The following LUZP2 variants were observed in gnomAD, a reference collection of about 807,000 sequenced individuals.
LUZP2 encodes the protein leucine zipper protein 2.
A neutral mutation model predicts 51.6 loss-of-function variants in LUZP2; 52 were observed. That is an observed-to-expected ratio of 1.01 (90% CI 0.81 to 1.27). The LOEUF is 1.27. Among genes scored for constraint, LUZP2 ranks in the 50% most tolerant of loss-of-function variants. The pLI is 0.00. For synonymous variants in LUZP2, 154 were observed against 137.3 expected (o/e 1.12, Z -0.85); for missense variants, 436 against 395.4 (o/e 1.10, Z -0.87).
chr11:24,554,424 CTA>C, intron 1 of LUZP2, among the ~76,000 whole-genome samples: 1 of 152,132 alleles, frequency 6.6e-6, no homozygotes, highest in East Asian at 1.9e-4. Flanking sequence ...CTGAAATATA[CTA>C]TGAGTTGCAC....
chr11:24,552,759 C>A (rs2133751225), intron 1 of LUZP2, among the ~76,000 whole-genome samples: 1 of 151,820 alleles, frequency 6.6e-6, no homozygotes, highest in Non-Finnish European at 1.5e-5. Flanking sequence ...AAACAAAGCC[C>A]TCTGGGTAAA....
chr11:25,065,803 CTA>C lies in LUZP2; in HGVS notation c.859-11524_859-11523del, dbSNP rs564810345. 4.7e-4 allele frequency among the ~76,000 whole-genome samples: 71 copies of C among 152,124 alleles called. No homozygotes were observed. The South Asian group carries it at 1.0e-2, about 21-fold the overall frequency. On this transcript the variant is annotated intron_variant, in intron 10 of 11. Transcript: ENST00000336930. ...TTAACAGTCATAGTCAAAAGATAAT[CTA>C]TGAGTCAGAGAAGGTGACAGCAAAG...
At chr11:24,580,734 C>T (rs186367462) in intron 1 of LUZP2, among the ~76,000 whole-genome samples, 17 of 150,026 alleles carry the variant, frequency 1.1e-4, no homozygotes, top group South Asian at 4.1e-4. Flanking sequence ...ACTTCCATAC[C>T]ACATTATAAA....
rs569097124 is a variant in LUZP2 at position 24,824,686 on chromosome 11, T to C, written c.396+61378T>C. 2.0e-5 allele frequency among the ~76,000 whole-genome samples: 3 copies of C among 152,152 alleles called. No homozygotes were observed. The East Asian group carries it at 5.8e-4, about 29-fold the overall frequency. On this transcript the variant is annotated intron_variant, in intron 5 of 11. Transcript: ENST00000336930. ...CCAATAAAGCCCTACACATATTTAT[T>C]TTATATGATCACACATATTTATTTT...
Position 24,858,216 on chromosome 11 carries a change from A to C in LUZP2, c.397-47775A>C, listed in dbSNP as rs146927387. 4.3e-3 allele frequency among the ~76,000 whole-genome samples: 658 copies of C among 152,268 alleles called. 6 individuals are homozygous for C. The highest frequency in any genetic ancestry group is 0.015 in the African/African-American group (622 of 41,566). On this transcript the variant is annotated intron_variant, in intron 5 of 11. Transcript: ENST00000336930. Reference sequence around the variant, plus strand: ...AGCATACTTTTAACAGCTTTTCCTTAATAAAGCATCTTTTTCTTGACTTCC... The same window carrying C: ...AGCATACTTTTAACAGCTTTTCCTTCATAAAGCATCTTTTTCTTGACTTCC...
At chr11:24,698,691 AT>A (rs1337022271) in intron 1 of LUZP2, among the ~76,000 whole-genome samples, 6 of 152,024 alleles carry the variant, frequency 3.9e-5, no homozygotes, top group East Asian at 1.9e-4. Flanking sequence ...CAAATAGAGA[AT>A]TTTTTTCTTC....
At chr11:25,062,434 A>AT (rs1554962158) in intron 10 of LUZP2, among the ~76,000 whole-genome samples, 1 of 150,514 alleles carries the variant, frequency 6.6e-6, no homozygotes, top group Non-Finnish European at 1.5e-5. Flanking sequence ...AGAATAAAAA[A>AT]ATATATATAT....
intron 1 of LUZP2, among the ~76,000 whole-genome samples, chr11:24,647,896 A>AC (rs1335308704): frequency 1.3e-5 from 2 of 151,816 alleles, no homozygotes; most frequent in African/African-American, 4.8e-5. Flanking sequence ...TATAGTACCT[A>AC]CCATCCCTAC....
chr11:25,066,718 TTG>T (rs1271246023), intron 10 of LUZP2, among the ~76,000 whole-genome samples: 22 of 151,824 alleles, frequency 1.4e-4, no homozygotes, highest in Admixed American at 1.3e-4. Flanking sequence ...GCTGATCTGT[TTG>T]GGTTGGAGAA....
intron 9 of LUZP2, among the ~76,000 whole-genome samples, chr11:25,010,609 G>A (rs939482414): frequency 2.6e-5 from 4 of 152,064 alleles, no homozygotes; most frequent in Admixed American, 2.0e-4. Context: ...CACTTTGGGA[G>A]GCTGAGGGAG....
chr11:24,988,054 C>A (rs1004202853), intron 9 of LUZP2, among the ~76,000 whole-genome samples: 4 of 151,962 alleles, frequency 2.6e-5, no homozygotes, highest in African/African-American at 9.7e-5. Flanking sequence ...AGAAAGGACT[C>A]TAAGAAGTAA....
chr11:24,668,551 A>T (rs1856292701), intron 1 of LUZP2, among the ~76,000 whole-genome samples: 1 of 152,150 alleles, frequency 6.6e-6, no homozygotes, highest in Admixed American at 6.5e-5. Flanking sequence ...ACACTGAGCA[A>T]ATTGGGACCA....
intron 1 of LUZP2, among the ~76,000 whole-genome samples, chr11:24,560,952 A>G (rs973940501): frequency 2.6e-5 from 4 of 152,202 alleles, no homozygotes; most frequent in African/African-American, 7.2e-5. Context: ...CACAGAAAAG[A>G]GGAAGAGTGT....
chr11:24,621,314 A>G (rs1854486887), intron 1 of LUZP2, among the ~76,000 whole-genome samples: 2 of 152,240 alleles, frequency 1.3e-5, no homozygotes, highest in Admixed American at 6.5e-5. Context: ...TCACATACCA[A>G]TACTGCGTGT....
chr11:24,838,241 A>G (rs572234160), intron 5 of LUZP2, among the ~76,000 whole-genome samples: 2 of 151,824 alleles, frequency 1.3e-5, no homozygotes, highest in South Asian at 4.1e-4. Flanking sequence ...ATATTTTGCC[A>G]TTAATAGTCA....
At chr11:25,070,329 G>A (rs1264527712) in intron 10 of LUZP2, among the ~76,000 whole-genome samples, 1 of 151,928 alleles carries the variant, frequency 6.6e-6, no homozygotes, top group East Asian at 1.9e-4. Context: ...TTCAAAAAAT[G>A]TGGAGCCAGT....
chr11:24,624,131 T>A (rs1565036526), intron 1 of LUZP2, among the ~76,000 whole-genome samples: 1 of 152,150 alleles, frequency 6.6e-6, no homozygotes, highest in Non-Finnish European at 1.5e-5. Context: ...GAGAATCAGA[T>A]AAATAAGAAG....
intron 1 of LUZP2, among the ~76,000 whole-genome samples, chr11:24,618,404 G>T (rs921930141): frequency 6.6e-6 from 1 of 152,106 alleles, no homozygotes; most frequent in African/African-American, 2.4e-5. Context: ...TGAGAGTGGA[G>T]GTCAGACTGC....
At chr11:24,542,736 C>CAA (rs57055137) in intron 1 of LUZP2, among the ~76,000 whole-genome samples, 17 of 151,176 alleles carry the variant, frequency 1.1e-4, no homozygotes, top group Non-Finnish European at 1.5e-4. Context: ...CACTTTTATT[C>CAA]AAAAAAAATA....
Sources: allele counts gnomAD v4.1 joint callset (sites outside exome capture counted in the v4.1 genomes callset), GRCh38; gene constraint gnomAD v4.1.1; transcripts MANE v1.5; gene names NCBI Gene and HGNC (gene_info 2026-07-23, HGNC 2026-07-21).